Variants in SGCZ observed in about 807,000 individuals in gnomAD.
SGCZ encodes sarcoglycan zeta, also known as zeta-sarcoglycan.
Under a neutral mutation model 41.3 loss-of-function variants are expected in SGCZ, and 40 were observed. That is an observed-to-expected ratio of 0.97 (90% CI 0.75 to 1.26). SGCZ has a LOEUF of 1.26. Among genes scored for constraint, SGCZ ranks in the 50% most tolerant of loss-of-function variants. The probability of loss-of-function intolerance (pLI) is 0.00; values close to 1 mark genes in which losing one functional copy is unlikely to be tolerated. For synonymous variants in SGCZ, 206 were observed against 137.5 expected (o/e 1.50, Z -3.49); for missense variants, 552 against 369.8 (o/e 1.49, Z -4.04).
chr8:14,980,068 A>G (rs1801610882), intron 1 of SGCZ, among the ~76,000 whole-genome samples: 1 of 152,242 alleles, frequency 6.6e-6, no homozygotes, highest in Admixed American at 6.5e-5. Context: ...TTTGAAAAGT[A>G]AAGTGATGGA....
chr8:14,103,731 G>A (rs1003877268), intron 6 of SGCZ, among the ~76,000 whole-genome samples: 1 of 151,868 alleles, frequency 6.6e-6, no homozygotes, highest in Non-Finnish European at 1.5e-5. Context: ...TATAATCCCT[G>A]GAGGGGTGAG....
At position 14,993,793 on chromosome 8, in the gene SGCZ, C is replaced by T. The variant is rs147739906; in HGVS notation, c.39+243792G>A. Among the ~76,000 whole-genome samples, 444 of 152,236 alleles carry T rather than the reference C, an allele frequency of 2.9e-3. 3 individuals are homozygous for T. Among genetic ancestry groups the T allele is most frequent in the Non-Finnish European group, 4.6e-3 (310 of 68,008 alleles). ...TAGGGACAAGGTCAATGTTAACAGACGCAAGATAAGGTAGGGATTTATGGG... is the reference window on the plus strand; with the variant it reads ...TAGGGACAAGGTCAATGTTAACAGATGCAAGATAAGGTAGGGATTTATGGG... On this transcript the variant is annotated intron_variant, in intron 1 of 7. Coordinates refer to ENST00000382080, the MANE Select transcript of SGCZ (RefSeq NM_139167.4).
At chr8:14,127,876 C>A (rs1802914395) in intron 5 of SGCZ, among the ~76,000 whole-genome samples, 1 of 152,096 alleles carries the variant, frequency 6.6e-6, no homozygotes, top group Admixed American at 6.5e-5. Context: ...AGGTATTAAG[C>A]CCAGTACCCG....
At chr8:14,155,036 A>G (rs1366351190) in intron 5 of SGCZ, among the ~76,000 whole-genome samples, 3 of 151,974 alleles carry the variant, frequency 2.0e-5, no homozygotes, top group African/African-American at 4.8e-5. Context: ...ATTTACAGCC[A>G]CTCTGTTTTG....
chr8:14,428,180 A>G (rs1231561013), intron 2 of SGCZ, among the ~76,000 whole-genome samples: 1 of 151,788 alleles, frequency 6.6e-6, no homozygotes, highest in Non-Finnish European at 1.5e-5. Context: ...ACATGCATAT[A>G]TATTTATATG....
At chr8:15,123,643 C>T (rs533160802) in intron 1 of SGCZ, among the ~76,000 whole-genome samples, 1 of 152,292 alleles carries the variant, frequency 6.6e-6, no homozygotes, top group South Asian at 2.1e-4. Flanking sequence ...TTTATCCCAT[C>T]AATTTAGTCA....
At chr8:14,108,375 C>G (rs1364726389) in intron 5 of SGCZ, 140 bp from the exon 6 acceptor site, 2 of 677,636 alleles carry the variant, frequency 3.0e-6, no homozygotes, top group Non-Finnish European at 5.1e-6. Flanking sequence ...CGTTTTCACA[C>G]TGCTGATAAA....
At chr8:14,264,513 G>A (rs753390502) in intron 3 of SGCZ, among the ~76,000 whole-genome samples, 23 of 152,106 alleles carry the variant, frequency 1.5e-4, no homozygotes, top group Non-Finnish European at 3.2e-4. Flanking sequence ...AGCTTAGGCT[G>A]CCATCTAGTG....
At chr8:14,189,774 T>G (rs1333876051) in intron 4 of SGCZ, among the ~76,000 whole-genome samples, 1 of 152,156 alleles carries the variant, frequency 6.6e-6, no homozygotes, top group Non-Finnish European at 1.5e-5. Context: ...ATCACTTTTG[T>G]TTGCTTGGCT....
chr8:14,532,502 G>T (rs888473872), intron 2 of SGCZ, among the ~76,000 whole-genome samples: 1 of 152,002 alleles, frequency 6.6e-6, no homozygotes, highest in Non-Finnish European at 1.5e-5. Context: ...TGTTTCAGAA[G>T]AAGAATAAGC....
chr8:14,637,846 T>C (rs951177446), intron 1 of SGCZ, among the ~76,000 whole-genome samples: 5 of 151,840 alleles, frequency 3.3e-5, no homozygotes, highest in Admixed American at 1.3e-4. Flanking sequence ...AGTAATGAAA[T>C]TGCTTCACTG....
chr8:14,469,362 C>T (rs1266961348), intron 2 of SGCZ, among the ~76,000 whole-genome samples: 6 of 151,366 alleles, frequency 4.0e-5, no homozygotes, highest in Non-Finnish European at 8.8e-5. Context: ...AGATCTCAGT[C>T]TGGTCTACTT....
intron 3 of SGCZ, among the ~76,000 whole-genome samples, chr8:14,307,500 T>C (rs1801386797): frequency 6.6e-6 from 1 of 152,140 alleles, no homozygotes; most frequent in African/African-American, 2.4e-5. Flanking sequence ...TTTCCTTTCC[T>C]TAATTATGTA....
intron 2 of SGCZ, among the ~76,000 whole-genome samples, chr8:14,529,577 G>A (rs1052405275): frequency 1.3e-5 from 2 of 152,210 alleles, no homozygotes; most frequent in Middle Eastern, 3.4e-3. Flanking sequence ...ACCTACATAG[G>A]AAAGCATTTG....
intron 1 of SGCZ, among the ~76,000 whole-genome samples, chr8:14,571,812 A>G (rs1227081678): frequency 8.5e-5 from 13 of 152,158 alleles, no homozygotes; most frequent in African/African-American, 3.1e-4. Flanking sequence ...ATGCATATAA[A>G]ACAAGACAGT....
intron 2 of SGCZ, among the ~76,000 whole-genome samples, chr8:14,497,212 G>A (rs916771827): frequency 1.3e-5 from 2 of 152,118 alleles, no homozygotes; most frequent in African/African-American, 2.4e-5. Context: ...CTTGGCTCAC[G>A]GTTCTGCAAG....
At chr8:14,218,524 T>C (rs1460756230) in intron 4 of SGCZ, among the ~76,000 whole-genome samples, 1 of 152,228 alleles carries the variant, frequency 6.6e-6, no homozygotes, top group Admixed American at 6.5e-5. Flanking sequence ...ATCAGGTTGA[T>C]GCAAAAGTAA....
chr8:14,919,473 C>G (rs894182497), intron 1 of SGCZ, among the ~76,000 whole-genome samples: 28 of 152,132 alleles, frequency 1.8e-4, no homozygotes, highest in African/African-American at 6.5e-4. Context: ...ATTTCAGATG[C>G]CAGTGTCAAT....
intron 1 of SGCZ, among the ~76,000 whole-genome samples, chr8:14,985,859 G>T (rs752642114): frequency 1.3e-5 from 2 of 152,138 alleles, no homozygotes; most frequent in African/African-American, 4.8e-5. Flanking sequence ...AAGTCAAAAG[G>T]CAAATGCCTT....
Sources: gnomAD v4.1 joint callset for allele counts (sites outside exome capture counted in the v4.1 genomes callset) on GRCh38, gnomAD v4.1.1 for gene constraint, MANE v1.5 for transcripts, NCBI Gene and HGNC (gene_info 2026-07-23, HGNC 2026-07-21) for gene names.